The following TAOK1 variants were observed in gnomAD, a reference collection of about 807,000 sequenced individuals.
TAOK1 encodes the protein TAO kinase 1.
TAOK1 carries 21 observed loss-of-function variants against 138.3 expected under a neutral mutation model. The ratio of observed to expected loss-of-function variants is 0.15; its 90% CI spans 0.11 to 0.22. The LOEUF (loss-of-function observed/expected upper bound fraction) is 0.22. TAOK1 is among the 10% of genes least tolerant of loss of function. TAOK1 has a pLI of 1.00. For missense variants in TAOK1, 651 were observed against 1,227.7 expected, an observed-to-expected ratio of 0.53 and a Z score of 7.02; for synonymous variants, 361 against 398.4, an observed-to-expected ratio of 0.91 and a Z score of 1.12.
chr17:29,400,148 C>G (rs763951812), intron 1 of TAOK1, among the ~76,000 whole-genome samples: 1 of 152,074 alleles, frequency 6.6e-6, no homozygotes, highest in Non-Finnish European at 1.5e-5. Flanking sequence ...AATCTCAGCA[C>G]TTTGGGAGGC....
At chr17:29,414,558 T>C (rs1905223605) in intron 1 of TAOK1, among the ~76,000 whole-genome samples, 1 of 146,608 alleles carries the variant, frequency 6.8e-6, no homozygotes, top group Non-Finnish European at 1.5e-5. Context: ...CCCAATACTT[T>C]ATTTATTTAT....
intron 9 of TAOK1, among the ~76,000 whole-genome samples, chr17:29,491,271 A>G (rs1332100385): frequency 3.3e-5 from 5 of 152,174 alleles, no homozygotes; most frequent in African/African-American, 9.7e-5. Flanking sequence ...AAATATCTTA[A>G]TTGGTTTTCT....
intron 17 of TAOK1, among the ~76,000 whole-genome samples, chr17:29,524,695 C>T (rs2031978376): frequency 6.6e-6 from 1 of 152,170 alleles, no homozygotes; most frequent in Non-Finnish European, 1.5e-5. Flanking sequence ...TAATCGTTGC[C>T]TCTTTCAATT....
intron 1 of TAOK1, among the ~76,000 whole-genome samples, chr17:29,407,843 A>G (rs1472941641): frequency 2.6e-5 from 4 of 151,610 alleles, no homozygotes; most frequent in Non-Finnish European, 5.9e-5. Flanking sequence ...TTATTTACCT[A>G]CCTATTTCAA....
chr17:29,409,752 G>A (rs776255403), intron 1 of TAOK1, among the ~76,000 whole-genome samples: 3 of 152,066 alleles, frequency 2.0e-5, no homozygotes, highest in Non-Finnish European at 4.4e-5. Flanking sequence ...TTATGAAGTC[G>A]TGGGATTTCT....
At chr17:29,519,639 G>T (rs1405086245) in intron 16 of TAOK1, among the ~76,000 whole-genome samples, 3 of 152,164 alleles carry the variant, frequency 2.0e-5, no homozygotes, top group African/African-American at 7.2e-5. Context: ...AATTGTGCGA[G>T]TTTACTAATA....
At chr17:29,529,442 TATCCAGGA>T (rs1256825871) in intron 17 of TAOK1, among the ~76,000 whole-genome samples, 1 of 151,904 alleles carries the variant, frequency 6.6e-6, no homozygotes. Flanking sequence ...ACAACAAAAA[TATCCAGGA>T]GCTGGGTATG....
chr17:29,426,488 A>T (rs1905644802), intron 1 of TAOK1, among the ~76,000 whole-genome samples: 1 of 152,136 alleles, frequency 6.6e-6, no homozygotes, highest in South Asian at 2.1e-4. Flanking sequence ...CCAAAGGTAG[A>T]AAAAAAGACA....
At chr17:29,498,542 G>T in intron 12 of TAOK1, 21 bp downstream of exon 12, 4 of 1,607,688 alleles carry the variant, frequency 2.5e-6, no homozygotes, top group Non-Finnish European at 3.4e-6. Flanking sequence ...GGATTTCAAT[G>T]AAAGAAATTC....
chr17:29,420,661 C>T (rs1256666171), intron 1 of TAOK1, among the ~76,000 whole-genome samples: 1 of 149,150 alleles, frequency 6.7e-6, no homozygotes, highest in Non-Finnish European at 1.5e-5. Flanking sequence ...TCTCGGGTCA[C>T]TGCAACCTCC....
At chr17:29,392,211 G>T (rs1037447370) in intron 1 of TAOK1, among the ~76,000 whole-genome samples, 1 of 151,512 alleles carries the variant, frequency 6.6e-6, no homozygotes, top group East Asian at 1.9e-4. Flanking sequence ...GCGAGACTCC[G>T]TTTCAAAAAA....
intron 1 of TAOK1, among the ~76,000 whole-genome samples, chr17:29,426,460 T>TAGGA (rs1905644172): frequency 6.6e-6 from 1 of 152,130 alleles, no homozygotes; most frequent in African/African-American, 2.4e-5. Flanking sequence ...GGAGGACATC[T>TAGGA]AGGAGATAGT....
chr17:29,533,527 C>T (rs558780843), intron 18 of TAOK1, among the ~76,000 whole-genome samples: 78 of 152,072 alleles, frequency 5.1e-4, no homozygotes, highest in African/African-American at 1.9e-3. Flanking sequence ...CGAGATCACC[C>T]CACTGCACTC....
intron 4 of TAOK1, among the ~76,000 whole-genome samples, chr17:29,477,298 A>T (rs186655614): frequency 6.6e-6 from 1 of 152,074 alleles, no homozygotes; most frequent in African/African-American, 2.4e-5. Flanking sequence ...ATAGGTTTGT[A>T]GTAATGGAAT....
chr17:29,436,693 T>A (rs1298334666), intron 1 of TAOK1, among the ~76,000 whole-genome samples: 2 of 152,202 alleles, frequency 1.3e-5, no homozygotes, highest in Non-Finnish European at 2.9e-5. Flanking sequence ...TAATTATGAT[T>A]GATAGCAAAT....
At chr17:29,471,053 G>T (rs941334355) in intron 3 of TAOK1, among the ~76,000 whole-genome samples, 1 of 151,916 alleles carries the variant, frequency 6.6e-6, no homozygotes, top group Non-Finnish European at 1.5e-5. Flanking sequence ...TTGAACCCAG[G>T]AGGAAGAGGT....
chr17:29,522,349 C>A lies in TAOK1; in HGVS notation c.1978C>A (p.Gln660Lys). The A allele has an allele frequency of 6.2e-7, 1 of 1,614,198 alleles. No homozygotes were observed. Among genetic ancestry groups the A allele is most frequent in the Non-Finnish European group, 8.5e-7 (1 of 1,180,036 alleles). Reference sequence around the variant, plus strand: ...GCTACTCCGACAGCATGAATCTATGCAAGAACTGGAGTTCCGCCACCTCAA... The same window carrying A: ...GCTACTCCGACAGCATGAATCTATGAAAGAACTGGAGTTCCGCCACCTCAA... ...AMLLRQHESM[Q>K]ELEFRHLNTI... The change falls in exon 17 of 20, where the codon CAA becomes AAA. Residue 660 changes from glutamine (Q) to lysine (K), a missense_variant. By Grantham distance (53) the Gln-to-Lys change is moderately conservative. Transcript: ENST00000261716.
chr17:29,517,895 G>A (rs116159408), intron 16 of TAOK1, among the ~76,000 whole-genome samples: 2,000 of 151,524 alleles, frequency 0.013, 44 homozygotes, highest in African/African-American at 0.045. Context: ...TCTCCATGTC[G>A]CCAAGTATGG....
intron 1 of TAOK1, among the ~76,000 whole-genome samples, chr17:29,443,833 A>T (rs1339604807): frequency 6.6e-6 from 1 of 152,158 alleles, no homozygotes; most frequent in Non-Finnish European, 1.5e-5. Context: ...AACCTGATCT[A>T]GGCTGGGCAT....
Sources: gnomAD v4.1 joint callset for allele counts (sites outside exome capture counted in the v4.1 genomes callset) on GRCh38, gnomAD v4.1.1 for gene constraint, MANE v1.5 for transcripts, NCBI Gene and HGNC (gene_info 2026-07-23, HGNC 2026-07-21) for gene names.